The following KCNQ5 variants were observed in gnomAD, a reference collection of about 807,000 sequenced individuals.
KCNQ5 encodes the protein potassium voltage-gated channel subfamily KQT member 5.
KCNQ5 carries 30 observed loss-of-function variants against 98.2 expected under a neutral mutation model. The ratio of observed to expected loss-of-function variants is 0.31; its 90% CI spans 0.23 to 0.41. The LOEUF (loss-of-function observed/expected upper bound fraction) is 0.41. Among genes scored for constraint, KCNQ5 ranks in the 10% least tolerant of loss-of-function variants. KCNQ5 has a pLI of 1.00. For synonymous variants in KCNQ5, 458 were observed against 449.4 expected, an observed-to-expected ratio of 1.02 and a Z score of -0.24; for missense variants, 835 against 1,182.5, an observed-to-expected ratio of 0.71 and a Z score of 4.31.
intron 1 of KCNQ5, among the ~76,000 whole-genome samples, chr6:73,002,570 C>T (rs1365696054): frequency 2.0e-5 from 3 of 152,106 alleles, no homozygotes; most frequent in Non-Finnish European, 4.4e-5. Context: ...GAATGTTAGT[C>T]ATTATTATCA....
At chr6:72,894,059 T>A (rs1779154893) in intron 1 of KCNQ5, among the ~76,000 whole-genome samples, 1 of 152,256 alleles carries the variant, frequency 6.6e-6, no homozygotes, top group Non-Finnish European at 1.5e-5. Context: ...GGTGTAGAAC[T>A]TTATAGTAGA....
chr6:72,937,667 A>G (rs533353358), intron 1 of KCNQ5, among the ~76,000 whole-genome samples: 4 of 152,302 alleles, frequency 2.6e-5, no homozygotes, highest in African/African-American at 9.6e-5. Context: ...AGTCCTCAGA[A>G]AGCTGCATGC....
chr6:73,059,413 G>T (rs1316400999), intron 3 of KCNQ5, among the ~76,000 whole-genome samples: 2 of 152,166 alleles, frequency 1.3e-5, no homozygotes, highest in Non-Finnish European at 2.9e-5. Context: ...CCTACTTGAG[G>T]ATGGAAAGTG....
intron 1 of KCNQ5, among the ~76,000 whole-genome samples, chr6:72,848,802 GCTT>G: frequency 6.6e-6 from 1 of 152,204 alleles, no homozygotes; most frequent in Admixed American, 6.5e-5. Context: ...CTTATAAAAG[GCTT>G]CTCCCGCTTT....
chr6:72,700,290 T>C (rs1174238752), intron 1 of KCNQ5, among the ~76,000 whole-genome samples: 1 of 135,344 alleles, frequency 7.4e-6, no homozygotes, highest in African/African-American at 2.9e-5. Flanking sequence ...TCTATATATC[T>C]ATATCTATCT....
chr6:72,771,843 A>G lies in KCNQ5; in HGVS notation c.398+149256A>G, dbSNP rs540086053. 5.3e-5 allele frequency among the ~76,000 whole-genome samples: 8 copies of G among 152,190 alleles called. No individual in the cohort carries two copies. The South Asian group carries it at 1.7e-3, about 32-fold the overall frequency. The stretch of plus-strand genomic sequence containing the variant: ...AGTAGCTCTTGTGAGTTGAAAAGCT[A>G]GGGAGATAGATACAAGGAACTAGAG... On this transcript the variant is annotated intron_variant, in intron 1 of 13. Transcript: ENST00000370398.
intron 1 of KCNQ5, among the ~76,000 whole-genome samples, chr6:72,809,395 TA>T (rs545735922): frequency 2.0e-5 from 3 of 151,402 alleles, no homozygotes; most frequent in Non-Finnish European, 4.4e-5. Flanking sequence ...AGTATAATAA[TA>T]AAAAAAATAG....
chr6:72,629,876 A>G (rs2098919858), intron 1 of KCNQ5, among the ~76,000 whole-genome samples: 1 of 152,144 alleles, frequency 6.6e-6, no homozygotes, highest in Admixed American at 6.5e-5. Context: ...ACTTTTTTTC[A>G]TAATTAAAGA....
chr6:72,721,357 T>TA (rs1279207586), intron 1 of KCNQ5, among the ~76,000 whole-genome samples: 1 of 152,210 alleles, frequency 6.6e-6, no homozygotes, highest in Non-Finnish European at 1.5e-5. Context: ...TGATAAATCT[T>TA]ACAAACAAAC....
At chr6:73,046,187 T>C (rs1342482474) in intron 3 of KCNQ5, among the ~76,000 whole-genome samples, 1 of 152,174 alleles carries the variant, frequency 6.6e-6, no homozygotes, top group Non-Finnish European at 1.5e-5. Context: ...AGACATCATT[T>C]TTCTGTTTCT....
At chr6:72,707,905 G>A (rs374500499) in intron 1 of KCNQ5, among the ~76,000 whole-genome samples, 32 of 152,200 alleles carry the variant, frequency 2.1e-4, no homozygotes, top group African/African-American at 6.3e-4. Flanking sequence ...GGCTGATCTC[G>A]AACTCCTGGC....
chr6:72,850,853 C>A (rs1246446028), intron 1 of KCNQ5, among the ~76,000 whole-genome samples: 1 of 152,170 alleles, frequency 6.6e-6, no homozygotes, highest in Non-Finnish European at 1.5e-5. Context: ...GGCTAAATAT[C>A]TCCTAATCTC....
chr6:73,150,027 T>C (rs1187666302), intron 10 of KCNQ5, among the ~76,000 whole-genome samples: 1 of 145,058 alleles, frequency 6.9e-6, no homozygotes, highest in Admixed American at 6.8e-5. Flanking sequence ...AAAACACCAG[T>C]TGAATAAGAA....
chr6:73,029,829 T>C (rs140092639), intron 2 of KCNQ5, among the ~76,000 whole-genome samples: 4,251 of 137,594 alleles, frequency 0.031, 103 homozygotes, highest in Middle Eastern at 0.066. Flanking sequence ...GAGAATGGCG[T>C]GAACCTGGGA....
At chr6:72,909,511 A>G (rs929209915) in intron 1 of KCNQ5, among the ~76,000 whole-genome samples, 1 of 152,150 alleles carries the variant, frequency 6.6e-6, no homozygotes, top group Non-Finnish European at 1.5e-5. Context: ...GGCTAGGATA[A>G]GGTAATGTTT....
intron 1 of KCNQ5, among the ~76,000 whole-genome samples, chr6:72,657,518 AT>A (rs1170611762): frequency 6.6e-6 from 1 of 152,154 alleles, no homozygotes; most frequent in Non-Finnish European, 1.5e-5. Context: ...GAGGTTATTT[AT>A]TTTACTTCTG....
At chr6:73,047,662 A>G (rs894468877) in intron 3 of KCNQ5, among the ~76,000 whole-genome samples, 1 of 152,368 alleles carries the variant, frequency 6.6e-6, no homozygotes, top group South Asian at 2.1e-4. Flanking sequence ...GATATACTGT[A>G]TTAACATTCT....
chr6:72,973,007 G>A (rs531096596), intron 1 of KCNQ5, among the ~76,000 whole-genome samples: 1 of 152,270 alleles, frequency 6.6e-6, no homozygotes, highest in Non-Finnish European at 1.5e-5. Context: ...CTTCTAATGT[G>A]TAATTCAATG....
At chr6:73,026,962 A>G (rs1270191738) in intron 2 of KCNQ5, among the ~76,000 whole-genome samples, 2 of 152,192 alleles carry the variant, frequency 1.3e-5, no homozygotes, top group Non-Finnish European at 2.9e-5. Context: ...TGAATGAGAC[A>G]TAGTGGAAAC....
Sources: gnomAD v4.1 joint callset for allele counts (sites outside exome capture counted in the v4.1 genomes callset) on GRCh38, gnomAD v4.1.1 for gene constraint, MANE v1.5 for transcripts, NCBI Gene and HGNC (gene_info 2026-07-23, HGNC 2026-07-21) for gene names.